HAO2: variants seen among roughly 807,000 people sequenced by gnomAD.
The protein encoded by HAO2 is 2-Hydroxyacid oxidase 2.
HAO2 carries 42 observed loss-of-function variants against 37.4 expected under a neutral mutation model. The observed-to-expected ratio is 1.12, with a 90% CI of 0.88 to 1.45. The LOEUF (loss-of-function observed/expected upper bound fraction) is 1.45, where lower values mean the gene tolerates loss of function less well. Among genes scored for constraint, HAO2 ranks in the 40% most tolerant of loss-of-function variants. The probability of loss-of-function intolerance (pLI) is 0.00; values close to 1 mark genes in which losing one functional copy is unlikely to be tolerated. For synonymous variants in HAO2, 180 were observed against 162.8 expected (o/e 1.11, Z -0.81); for missense variants, 476 against 430.2 (o/e 1.11, Z -0.94).
chr1:119,388,016 AC>A (rs1650523631), intron 5 of HAO2, among the ~76,000 whole-genome samples: 2 of 152,272 alleles, frequency 1.3e-5, no homozygotes, highest in Admixed American at 6.5e-5. Flanking sequence ...AGCAGGGGTC[AC>A]CCTTCACTGT....
chr1:119,379,619 C>T (rs1247528887), intron 1 of HAO2, among the ~76,000 whole-genome samples: 1 of 152,152 alleles, frequency 6.6e-6, no homozygotes, highest in South Asian at 2.1e-4. Flanking sequence ...TCAGACTCAA[C>T]TCCATACCTC....
At position 119,386,781 on chromosome 1, in the gene HAO2, A is replaced by G. The variant is rs777625257; in HGVS notation, c.721A>G (p.Ile241Val). Residue 241 changes from isoleucine (I) to valine (V), a missense_variant, in exon 5 of 8, where the codon ATC becomes GTC. By Grantham distance (29) the Ile-to-Val change is conservative. Coordinates refer to ENST00000325945, the MANE Select transcript of HAO2 (RefSeq NM_016527.4). The stretch of plus-strand genomic sequence containing the variant: ...AGCTGTGAAGCACAATGTCCAGGGT[A>G]TCATTGTTTCCAACCATGGTGGGAG... ...ELAVKHNVQG[I>V]IVSNHGGRQL... 4 of 1,613,612 alleles carry G rather than the reference A, an allele frequency of 2.5e-6. No individual in the cohort carries two copies. In the South Asian group the frequency reaches 3.3e-5, roughly 13 times the overall value.
rs761349355 is a variant in HAO2 at position 119,392,612 on chromosome 1, G to A, written c.931-6G>A. ...TTGTGTCTCTGTCTGTCTGCCTCGG[G>A]AGCAGGGTGAACATGGTGTTAAGGA... On this transcript the variant is annotated splice_region_variant and splice_polypyrimidine_tract_variant and intron_variant, in intron 6 of 7. Coordinates refer to ENST00000325945, the MANE Select transcript of HAO2 (RefSeq NM_016527.4). The A allele has an allele frequency of 1.9e-6, 3 of 1,595,278 alleles. No homozygotes were observed. The highest frequency in any genetic ancestry group is 2.2e-5 in the East Asian group (1 of 44,766).
chr1:119,383,412 T>A (rs1483459676), intron 3 of HAO2, among the ~76,000 whole-genome samples: 1 of 152,082 alleles, frequency 6.6e-6, no homozygotes, highest in African/African-American at 2.4e-5. Context: ...TAGGGCCCTC[T>A]TTGGCCCCTG....
chr1:119,386,897 C>A, intron 5 of HAO2, 66 bp downstream of exon 5: 2 of 944,718 alleles, frequency 2.1e-6, no homozygotes, highest in Non-Finnish European at 3.5e-6. Flanking sequence ...TGAGTGTGTC[C>A]ACATCAAGGG....
chr1:119,392,565 C>A, intron 6 of HAO2, 53 bp from the exon 7 acceptor site: 1 of 1,161,560 alleles, frequency 8.6e-7, no homozygotes, highest in South Asian at 1.2e-5. Flanking sequence ...AGTGGATGGT[C>A]AGAATGTTCC....
At chr1:119,371,147 C>G (rs1322107389) in intron 1 of HAO2, among the ~76,000 whole-genome samples, 1 of 152,200 alleles carries the variant, frequency 6.6e-6, no homozygotes, top group Non-Finnish European at 1.5e-5. Flanking sequence ...ACTTAAATGT[C>G]TCCCCCATAC....
chr1:119,383,215 C>A (rs587731535), intron 3 of HAO2, 149 bp downstream of exon 3: 2 of 574,850 alleles, frequency 3.5e-6, no homozygotes, highest in Non-Finnish European at 3.1e-6. Flanking sequence ...CTTAAAGCTA[C>A]GTTTGTGTAA....
Position 119,386,612 on chromosome 1 carries a change from T to A in HAO2, c.562-10T>A. On this transcript the variant is annotated splice_polypyrimidine_tract_variant and intron_variant, in intron 4 of 7. Coordinates refer to ENST00000325945, the MANE Select transcript of HAO2 (RefSeq NM_016527.4). ...AGCTCAGGACTAAGTTCCCTTTTTA[T>A]TTCCTATAGGGAAATGCAATACCTT... The A allele has an allele frequency of 6.4e-7, 1 of 1,564,364 alleles. No individual in the cohort carries two copies. Among genetic ancestry groups the A allele is most frequent in the Non-Finnish European group, 8.8e-7 (1 of 1,134,976 alleles).
chr1:119,392,582 T>G, intron 6 of HAO2, 36 bp from the exon 7 acceptor site: 1 of 1,376,664 alleles, frequency 7.3e-7, no homozygotes. Context: ...TTCCTTTATG[T>G]CTCTTTGTGT....
intron 6 of HAO2, 163 bp from the exon 7 acceptor site, chr1:119,392,455 C>A (rs1570800513): frequency 5.6e-6 from 4 of 714,034 alleles, no homozygotes; most frequent in African/African-American, 3.5e-5. Flanking sequence ...CATCCCCTAT[C>A]TTTGTCTCTG....
intron 7 of HAO2, among the ~76,000 whole-genome samples, chr1:119,392,998 C>T (rs747648681): frequency 1.3e-5 from 2 of 152,158 alleles, no homozygotes; most frequent in Non-Finnish European, 2.9e-5. Flanking sequence ...CCAGTCAACC[C>T]AGGCATGAAA....
rs1351010089 is a variant in HAO2 at position 119,385,608 on chromosome 1, A to G, written c.561+555A>G. Reference sequence around the variant, plus strand: ...GGATGCTATAGCACATTTGTTTGTAATCTCTGAACTAGGTGACTACAAAGG... The same window carrying G: ...GGATGCTATAGCACATTTGTTTGTAGTCTCTGAACTAGGTGACTACAAAGG... On this transcript the variant is annotated intron_variant, in intron 4 of 7. Transcript: ENST00000325945. The G allele has an allele frequency of 4.1e-6, 4 of 985,038 alleles. No individual in the cohort carries two copies. The East Asian group carries it at 4.5e-4, about 112-fold the overall frequency. 61.0% of individuals were successfully genotyped at this position (985,038 alleles called of 1,614,324 possible). A position where few individuals can be genotyped will look rare whatever the true frequency, so the allele number is the denominator to read the frequency against.
intron 1 of HAO2, among the ~76,000 whole-genome samples, chr1:119,376,952 C>T (rs587619126): frequency 4.9e-4 from 75 of 152,260 alleles, no homozygotes; most frequent in African/African-American, 1.8e-3. Context: ...AATCATTTTC[C>T]CCATTGTCTT....
chr1:119,379,670 A>C (rs1649761113), intron 1 of HAO2, among the ~76,000 whole-genome samples: 2 of 152,130 alleles, frequency 1.3e-5, no homozygotes, highest in Admixed American at 1.3e-4. Context: ...CTTTTTCTAT[A>C]AAAGGTGCTA....
At chr1:119,380,645 G>T (rs374068950) in intron 1 of HAO2, 3 of 1,436,338 alleles carry the variant, frequency 2.1e-6, no homozygotes, top group Non-Finnish European at 2.9e-6. Flanking sequence ...TGAAAGACAA[G>T]AGGCAGGCAT....
chr1:119,373,459 C>A (rs190015698), intron 1 of HAO2, among the ~76,000 whole-genome samples: 13 of 152,270 alleles, frequency 8.5e-5, no homozygotes, highest in African/African-American at 3.1e-4. Context: ...CAAACTTGTG[C>A]ACATCTCTCT....
At chr1:119,377,068 G>A (rs587696494) in intron 1 of HAO2, among the ~76,000 whole-genome samples, 1 of 152,282 alleles carries the variant, frequency 6.6e-6, no homozygotes, top group South Asian at 2.1e-4. Context: ...TCATCAGGCT[G>A]CAAATTTTCC....
At chr1:119,377,744 G>A (rs587661042) in intron 1 of HAO2, among the ~76,000 whole-genome samples, 2 of 152,246 alleles carry the variant, frequency 1.3e-5, no homozygotes, top group Non-Finnish European at 2.9e-5. Flanking sequence ...GCAGGTAAGA[G>A]AGCACATGCA....
Sources: gnomAD v4.1 joint callset for allele counts (sites outside exome capture counted in the v4.1 genomes callset) on GRCh38, gnomAD v4.1.1 for gene constraint, MANE v1.5 for transcripts, NCBI Gene and HGNC (gene_info 2026-07-23, HGNC 2026-07-21) for gene names.